MACROD2: variants seen among roughly 807,000 people sequenced by gnomAD.
MACROD2 encodes the protein ADP-ribose glycohydrolase MACROD2.
In MACROD2, 36 loss-of-function variants were observed where a neutral mutation model predicts 70.4. The observed-to-expected ratio is 0.51, with a 90% CI of 0.39 to 0.68. MACROD2 has a LOEUF of 0.68. MACROD2 is among the 30% of genes least tolerant of loss of function. The pLI is 0.00. For synonymous variants in MACROD2, 172 were observed against 178.8 expected (o/e 0.96, Z 0.30); for missense variants, 496 against 538.4 (o/e 0.92, Z 0.78).
chr20:15,397,219 T>A (rs1460167851), intron 6 of MACROD2, among the ~76,000 whole-genome samples: 1 of 152,208 alleles, frequency 6.6e-6, no homozygotes, highest in Non-Finnish European at 1.5e-5. Context: ...CATACCACCA[T>A]ATGGCATGTC....
intron 8 of MACROD2, among the ~76,000 whole-genome samples, chr20:15,592,324 G>A (rs532688064): frequency 3.9e-5 from 6 of 152,320 alleles, no homozygotes; most frequent in African/African-American, 1.2e-4. Context: ...ATGGGTCAGC[G>A]ATTTTGTTGA....
At chr20:15,889,561 A>G (rs2147216814) in intron 10 of MACROD2, among the ~76,000 whole-genome samples, 1 of 152,304 alleles carries the variant, frequency 6.6e-6, no homozygotes, top group East Asian at 1.9e-4. Flanking sequence ...GGTCATCTGC[A>G]AGGGGAGGCT....
rs117457567 is a variant in MACROD2, at chr20:14,522,591, G to T, written c.301+29083G>T. Among the ~76,000 whole-genome samples, 266 of 152,274 alleles carry T rather than the reference G, an allele frequency of 1.7e-3. 2 individuals carry two copies. Among genetic ancestry groups the T allele is most frequent in the Non-Finnish European group, 2.0e-3 (138 of 68,030 alleles). ...ACTGCACAGGTCTTTTCTTGTTTGT[G>T]GAACGTCAAATTCATTTTCTCTCCA... On this transcript the variant is annotated intron_variant, in intron 4 of 17. Coordinates refer to ENST00000684519, the MANE Select transcript of MACROD2 (RefSeq NM_001351661.2).
At chr20:15,248,671 T>G (rs1255634695) in intron 6 of MACROD2, among the ~76,000 whole-genome samples, 5 of 152,104 alleles carry the variant, frequency 3.3e-5, no homozygotes, top group Non-Finnish European at 7.3e-5. Flanking sequence ...TCAGTCTCAG[T>G]GTATCTCAGG....
At chr20:14,563,878 C>T (rs1254274235) in intron 4 of MACROD2, among the ~76,000 whole-genome samples, 1 of 151,858 alleles carries the variant, frequency 6.6e-6, no homozygotes, top group Non-Finnish European at 1.5e-5. Context: ...CAAAAAAGAA[C>T]CTGAATAGTG....
intron 7 of MACROD2, among the ~76,000 whole-genome samples, chr20:15,481,363 A>T (rs2047095018): frequency 6.6e-6 from 1 of 152,218 alleles, no homozygotes; most frequent in African/African-American, 2.4e-5. Flanking sequence ...GTGCTTTCTA[A>T]ACATGAGGCA....
intron 3 of MACROD2, among the ~76,000 whole-genome samples, chr20:14,417,032 T>G (rs2083813388): frequency 6.7e-6 from 1 of 149,590 alleles, no homozygotes; most frequent in South Asian, 2.3e-4. Flanking sequence ...GCTATCTATC[T>G]ATATATCTAT....
chr20:15,473,897 T>A (rs1462980218), intron 7 of MACROD2, among the ~76,000 whole-genome samples: 1 of 152,158 alleles, frequency 6.6e-6, no homozygotes, highest in Non-Finnish European at 1.5e-5. Flanking sequence ...GAAGCAAAAT[T>A]AAGATCTTTT....
chr20:14,517,080 A>G (rs1480453226), intron 4 of MACROD2, among the ~76,000 whole-genome samples: 1 of 152,182 alleles, frequency 6.6e-6, no homozygotes, highest in African/African-American at 2.4e-5. Context: ...AGGCTTTTAC[A>G]CTGTTAGTGG....
chr20:15,632,467 T>C (rs948488754), intron 8 of MACROD2, among the ~76,000 whole-genome samples: 1 of 152,162 alleles, frequency 6.6e-6, no homozygotes, highest in Non-Finnish European at 1.5e-5. Flanking sequence ...CTCAGTTAAA[T>C]ACAAAACATT....
intron 5 of MACROD2, among the ~76,000 whole-genome samples, chr20:15,119,935 T>C (rs1200076590): frequency 6.6e-6 from 1 of 152,250 alleles, no homozygotes; most frequent in Non-Finnish European, 1.5e-5. Flanking sequence ...GATTATATCA[T>C]GACTTCATAT....
chr20:14,990,573 G>A (rs970695023), intron 5 of MACROD2, among the ~76,000 whole-genome samples: 3 of 149,912 alleles, frequency 2.0e-5, no homozygotes, highest in Non-Finnish European at 4.4e-5. Context: ...GAGTGCAATG[G>A]CGCGATCTCG....
intron 3 of MACROD2, chr20:14,352,423 T>G (rs2083132012): frequency 6.6e-6 from 1 of 152,102 alleles, no homozygotes; most frequent in South Asian, 2.1e-4. Flanking sequence ...ATTCCATATT[T>G]AAAAAAGAAA....
At chr20:15,645,501 C>T (rs1600707907) in intron 8 of MACROD2, among the ~76,000 whole-genome samples, 1 of 152,146 alleles carries the variant, frequency 6.6e-6, no homozygotes, top group South Asian at 2.1e-4. Flanking sequence ...CTGAAAAACT[C>T]GGAAAAGCTC....
At chr20:14,846,023 A>T (rs549951463) in intron 5 of MACROD2, among the ~76,000 whole-genome samples, 1 of 152,060 alleles carries the variant, frequency 6.6e-6, no homozygotes, top group South Asian at 2.1e-4. Context: ...TAATTTATCC[A>T]GGTGTTCTAT....
chr20:15,742,482 C>A (rs2146966896), intron 8 of MACROD2, among the ~76,000 whole-genome samples: 1 of 152,132 alleles, frequency 6.6e-6, no homozygotes, highest in South Asian at 2.1e-4. Context: ...CACTGATAGA[C>A]AATAATTTAG....
At chr20:15,436,822 G>A (rs1052739879) in intron 7 of MACROD2, among the ~76,000 whole-genome samples, 2 of 152,136 alleles carry the variant, frequency 1.3e-5, no homozygotes, top group African/African-American at 4.8e-5. Context: ...CAACATTTTT[G>A]TAAGTCATAC....
intron 8 of MACROD2, among the ~76,000 whole-genome samples, chr20:15,840,473 T>C (rs1420856553): frequency 6.6e-6 from 1 of 152,164 alleles, no homozygotes; most frequent in East Asian, 1.9e-4. Flanking sequence ...CAAAAATTGT[T>C]ATCAATTCAC....
At chr20:15,384,150 G>A (rs2045680390) in intron 6 of MACROD2, among the ~76,000 whole-genome samples, 1 of 152,108 alleles carries the variant, frequency 6.6e-6, no homozygotes, top group Admixed American at 6.6e-5. Flanking sequence ...CTTCAACTTG[G>A]TTCTTAATGG....
Sources: gnomAD v4.1 joint callset for allele counts (sites outside exome capture counted in the v4.1 genomes callset) on GRCh38, gnomAD v4.1.1 for gene constraint, MANE v1.5 for transcripts, NCBI Gene and HGNC (gene_info 2026-07-23, HGNC 2026-07-21) for gene names.